Variants in MYO3A observed in about 807,000 individuals in gnomAD.
MYO3A encodes the protein myosin-IIIa.
A neutral mutation model predicts 192.7 loss-of-function variants in MYO3A; 180 were observed. That is an observed-to-expected ratio of 0.93 (90% CI 0.83 to 1.06). The LOEUF is 1.06. Among genes scored for constraint, MYO3A ranks in the 50% least tolerant of loss-of-function variants. The pLI, the probability that MYO3A is intolerant of heterozygous loss-of-function variation, is 0.00. For missense variants in MYO3A, 1,896 were observed against 1,905.0 expected (o/e 1.00, Z 0.09); for synonymous variants, 628 against 645.3 (o/e 0.97, Z 0.41).
chr10:26,158,534 C>T (rs555627669), intron 26 of MYO3A, among the ~76,000 whole-genome samples: 2 of 152,138 alleles, frequency 1.3e-5, no homozygotes, highest in Admixed American at 6.5e-5. Context: ...GGATTACAGG[C>T]GTGAGCCACT....
chr10:26,201,876 G>A (rs1283842689), intron 33 of MYO3A, among the ~76,000 whole-genome samples: 1 of 152,100 alleles, frequency 6.6e-6, no homozygotes, highest in African/African-American at 2.4e-5. Flanking sequence ...CCTCCCAGTA[G>A]GTAATTTGCT....
At chr10:26,137,143 A>G (rs976024703) in intron 20 of MYO3A, among the ~76,000 whole-genome samples, 3 of 152,262 alleles carry the variant, frequency 2.0e-5, no homozygotes, top group Non-Finnish European at 4.4e-5. Context: ...TAGGTACTAC[A>G]TAGAAGGGCA....
At chr10:26,161,490 C>A (rs1401141098) in intron 26 of MYO3A, among the ~76,000 whole-genome samples, 2 of 152,166 alleles carry the variant, frequency 1.3e-5, no homozygotes, top group Non-Finnish European at 2.9e-5. Context: ...ACAACTAGAA[C>A]TTACTGAAGG....
chr10:25,941,437 G>A (rs1306597445), intron 2 of MYO3A, among the ~76,000 whole-genome samples: 1 of 152,068 alleles, frequency 6.6e-6, no homozygotes, highest in African/African-American at 2.4e-5. Flanking sequence ...TAGGAAATAC[G>A]GTTTTGAGAT....
In MYO3A at chr10:26,168,856, G is replaced by A. The variant is rs568909391; in HGVS notation, c.3256G>A (p.Ala1086Thr). The A allele has an allele frequency of 9.7e-5, 156 of 1,610,916 alleles. 1 individual carries two copies. The South Asian group carries it at 1.4e-3, about 14-fold the overall frequency. The stretch of plus-strand genomic sequence containing the variant: ...AATACAGGAGAAAAGGAAAGAAAGC[G>A]CTATAATAATACAGTCAGGTAATCT... ...QKIQEKRKESAIIIQSAARGH... is the reference protein window; with the variant it reads ...QKIQEKRKESTIIIQSAARGH... Residue 1086 changes from alanine (A) to threonine (T), a missense_variant, in exon 28 of 35, where the codon GCT becomes ACT. Physicochemically the swap from Ala to Thr is moderately conservative, Grantham distance 58. Coordinates refer to ENST00000642920, the MANE Select transcript of MYO3A (RefSeq NM_017433.5).
intron 6 of MYO3A, among the ~76,000 whole-genome samples, chr10:26,016,617 T>C (rs749236093): frequency 6.6e-6 from 1 of 151,926 alleles, no homozygotes; most frequent in African/African-American, 2.4e-5. Context: ...GGATTTGGAG[T>C]TGAGAAAGAG....
At chr10:25,988,213 A>C (rs1301709096) in intron 4 of MYO3A, among the ~76,000 whole-genome samples, 3 of 152,074 alleles carry the variant, frequency 2.0e-5, no homozygotes, top group African/African-American at 7.2e-5. Flanking sequence ...ACTCGGGGGA[A>C]AGTGTGGGTG....
intron 29 of MYO3A, 142 bp from the exon 30 acceptor site, chr10:26,173,521 T>C: frequency 1.4e-6 from 1 of 712,154 alleles, no homozygotes; most frequent in Non-Finnish European, 2.3e-6. Context: ...ACTTGATTAA[T>C]GTGACTTGAT....
chr10:25,943,191 T>G (rs1018176365), intron 2 of MYO3A, among the ~76,000 whole-genome samples: 1 of 152,124 alleles, frequency 6.6e-6, no homozygotes, highest in South Asian at 2.1e-4. Flanking sequence ...TTAACAAGAC[T>G]GTTTTTTCCC....
At chr10:26,117,475 A>G (rs532589854) in intron 17 of MYO3A, among the ~76,000 whole-genome samples, 1 of 151,798 alleles carries the variant, frequency 6.6e-6, no homozygotes, top group Non-Finnish European at 1.5e-5. Flanking sequence ...CCCTCCTCCT[A>G]CCCTGTGCCA....
chr10:25,983,063 G>A (rs569825631), intron 4 of MYO3A, among the ~76,000 whole-genome samples: 1 of 151,700 alleles, frequency 6.6e-6, no homozygotes, highest in Admixed American at 6.6e-5. Flanking sequence ...GGATATGAAA[G>A]GAAAATTCTT....
At chr10:26,121,257 CATA>C (rs1838843450) in intron 18 of MYO3A, among the ~76,000 whole-genome samples, 1 of 151,344 alleles carries the variant, frequency 6.6e-6, no homozygotes, top group Non-Finnish European at 1.5e-5. Flanking sequence ...AGAAGCATGT[CATA>C]GTATTTGCTT....
chr10:26,179,308 G>T (rs925325949), intron 31 of MYO3A, among the ~76,000 whole-genome samples: 1 of 151,272 alleles, frequency 6.6e-6, no homozygotes, highest in East Asian at 1.9e-4. Flanking sequence ...TTACCATGTT[G>T]GCCAGGCTGA....
intron 14 of MYO3A, among the ~76,000 whole-genome samples, chr10:26,081,133 T>TCCCCCCCCTTCCCC (rs1835906244): frequency 1.2e-5 from 1 of 84,940 alleles, no homozygotes; most frequent in African/African-American, 4.2e-5. Flanking sequence ...TATATGCCCT[T>TCCCCCCCCTTCCCC]CCCCCCCCCC....
chr10:26,078,779 G>T (rs1176100123), intron 14 of MYO3A, among the ~76,000 whole-genome samples: 1 of 152,072 alleles, frequency 6.6e-6, no homozygotes. Flanking sequence ...GCTCATTCAG[G>T]AGCAGGTTAT....
intron 14 of MYO3A, among the ~76,000 whole-genome samples, chr10:26,078,636 T>C (rs1429364898): frequency 6.6e-6 from 1 of 152,114 alleles, no homozygotes; most frequent in Non-Finnish European, 1.5e-5. Context: ...TTTTTTGATG[T>C]AAGCATTTAG....
rs1291313606 is a variant in MYO3A at position 26,194,617 on chromosome 10, A to G, written c.4545+1306A>G. ...CTCGCAGGCAGAAAATGAAGCTCACACTTGACCTCCAAGTTAGCCAGTCTT... is the reference window on the plus strand; with the variant it reads ...CTCGCAGGCAGAAAATGAAGCTCACGCTTGACCTCCAAGTTAGCCAGTCTT... On this transcript the variant is annotated intron_variant, in intron 32 of 34. Coordinates refer to ENST00000642920, the MANE Select transcript of MYO3A (RefSeq NM_017433.5). Among the ~76,000 whole-genome samples the G allele has an allele frequency of 2.0e-5, 3 of 152,318 alleles. No homozygotes were observed. In the East Asian group the frequency reaches 5.8e-4, roughly 29 times the overall value.
chr10:26,148,874 T>A (rs1840625996), intron 23 of MYO3A, among the ~76,000 whole-genome samples: 1 of 152,220 alleles, frequency 6.6e-6, no homozygotes, highest in Admixed American at 6.5e-5. Context: ...GTAGCTTTTT[T>A]TTGTTAATTC....
intron 34 of MYO3A, 55 bp from the exon 35 acceptor site, chr10:26,211,788 G>A: frequency 3.7e-6 from 6 of 1,609,604 alleles, no homozygotes; most frequent in Middle Eastern, 1.7e-4. Flanking sequence ...GGTAGGTGGG[G>A]ACGCGCTGCT....
Sources: gnomAD v4.1 joint callset for allele counts (sites outside exome capture counted in the v4.1 genomes callset) on GRCh38, gnomAD v4.1.1 for gene constraint, MANE v1.5 for transcripts, NCBI Gene and HGNC (gene_info 2026-07-23, HGNC 2026-07-21) for gene names.